Variants in PSD3 observed in about 807,000 individuals in gnomAD.
PSD3 encodes PH and SEC7 domain-containing protein 3.
PSD3 carries 49 observed loss-of-function variants against 105.5 expected under a neutral mutation model. That is an observed-to-expected ratio of 0.46 (90% CI 0.37 to 0.59). PSD3 has a LOEUF of 0.59. Among genes scored for constraint, PSD3 ranks in the 20% least tolerant of loss-of-function variants. The pLI is 0.00. For missense variants in PSD3, 1,561 were observed against 1,263.8 expected (o/e 1.24, Z -3.57); for synonymous variants, 557 against 457.8 (o/e 1.22, Z -2.77).
rs78377901 is a variant in PSD3 at position 18,890,164 on chromosome 8, T to G, written c.131-17431A>C. On this transcript the variant is annotated intron_variant, in intron 2 of 15. Transcript: ENST00000327040. Reference sequence around the variant, plus strand: ...GGATCCACGTAGGAGACAATAAGATTACTGGAGGAACTGGTAACAATAATT... The same window carrying G: ...GGATCCACGTAGGAGACAATAAGATGACTGGAGGAACTGGTAACAATAATT... Among the ~76,000 whole-genome samples, 1,310 of 152,274 alleles carry G rather than the reference T, an allele frequency of 8.6e-3. 16 individuals are homozygous for G. Among genetic ancestry groups the G allele is most frequent in the African/African-American group, 0.03 (1,260 of 41,536 alleles).
chr8:18,635,693 A>C (rs1807198133), intron 10 of PSD3, among the ~76,000 whole-genome samples: 1 of 152,192 alleles, frequency 6.6e-6, no homozygotes, highest in Non-Finnish European at 1.5e-5. Context: ...ACTATGGAAT[A>C]CTATGGAGTC....
intron 10 of PSD3, among the ~76,000 whole-genome samples, chr8:18,646,799 C>T (rs980951369): frequency 6.6e-6 from 1 of 151,774 alleles, no homozygotes; most frequent in African/African-American, 2.4e-5. Context: ...AAATGAGAAT[C>T]AATGCTGAGT....
intron 2 of PSD3, among the ~76,000 whole-genome samples, chr8:18,908,669 A>G (rs1820002416): frequency 6.6e-6 from 1 of 152,202 alleles, no homozygotes; most frequent in South Asian, 2.1e-4. Context: ...TCATCTGTTC[A>G]TGAGATTCGT....
intron 4 of PSD3, among the ~76,000 whole-genome samples, chr8:18,836,126 C>A (rs915985358): frequency 1.3e-5 from 2 of 152,104 alleles, no homozygotes; most frequent in Non-Finnish European, 1.5e-5. Context: ...GGAGACCTAG[C>A]GAAATCACCT....
intron 1 of PSD3, among the ~76,000 whole-genome samples, chr8:18,961,680 G>A (rs537150621): frequency 4.6e-5 from 7 of 152,304 alleles, no homozygotes; most frequent in Non-Finnish European, 8.8e-5. Context: ...GACAGAGCGA[G>A]ACTCTGCCTC....
intron 1 of PSD3, among the ~76,000 whole-genome samples, chr8:18,969,405 T>C (rs1824494328): frequency 6.6e-6 from 1 of 152,164 alleles, no homozygotes; most frequent in African/African-American, 2.4e-5. Context: ...TGCATAGAAA[T>C]CAACGGTACA....
intron 9 of PSD3, among the ~76,000 whole-genome samples, chr8:18,756,272 A>C (rs1806038439): frequency 2.0e-5 from 3 of 152,116 alleles, no homozygotes; most frequent in Admixed American, 6.5e-5. Flanking sequence ...ACATACTCCG[A>C]ATATAACTCA....
At chr8:18,876,442 A>G (rs376420658) in intron 2 of PSD3, among the ~76,000 whole-genome samples, 8 of 152,228 alleles carry the variant, frequency 5.3e-5, no homozygotes, top group African/African-American at 1.9e-4. Flanking sequence ...GCTGGAGTGC[A>G]GTGGGACGAT....
At chr8:18,928,683 CCTTTTTTT>C (rs1254435141) in intron 2 of PSD3, among the ~76,000 whole-genome samples, 1 of 152,058 alleles carries the variant, frequency 6.6e-6, no homozygotes, top group Non-Finnish European at 1.5e-5. Context: ...TTCCTTCCTT[CCTTTTTTT>C]CTTTTTATCT....
intron 11 of PSD3, among the ~76,000 whole-genome samples, chr8:18,615,087 T>C (rs1422673458): frequency 2.0e-5 from 3 of 152,170 alleles, no homozygotes; most frequent in Non-Finnish European, 4.4e-5. Flanking sequence ...TATGTCAATA[T>C]GTTCAATTCT....
In PSD3 at chr8:18,755,245, A is replaced by G. The variant is rs549011975; in HGVS notation, c.2172+10204T>C. Among the ~76,000 whole-genome samples, 41 of 152,152 alleles carry G rather than the reference A, an allele frequency of 2.7e-4. No homozygotes were observed. The South Asian group carries it at 8.5e-3, about 32-fold the overall frequency. ...GGAGTTCGAGACCAGCCTGGTCAAC[A>G]TGGTGAAACCCCTGTCCCTACTAAA... On this transcript the variant is annotated intron_variant, in intron 9 of 15. Coordinates refer to ENST00000327040, the MANE Select transcript of PSD3 (RefSeq NM_015310.4).
intron 9 of PSD3, among the ~76,000 whole-genome samples, chr8:18,720,612 T>G (rs1205400857): frequency 6.6e-6 from 1 of 152,162 alleles, no homozygotes; most frequent in Non-Finnish European, 1.5e-5. Context: ...AAATTGATTC[T>G]TACAGAAGTA....
chr8:18,635,212 C>T (rs1377400895), intron 10 of PSD3, among the ~76,000 whole-genome samples: 7 of 152,138 alleles, frequency 4.6e-5, no homozygotes, highest in Admixed American at 1.3e-4. Flanking sequence ...TACCACAGAA[C>T]GCCAAGCTCA....
chr8:18,611,425 T>C (rs1008655123), intron 11 of PSD3, among the ~76,000 whole-genome samples: 1 of 152,266 alleles, frequency 6.6e-6, no homozygotes, highest in Non-Finnish European at 1.5e-5. Context: ...CATAATTTTT[T>C]ATTTTTTAAG....
intron 9 of PSD3, chr8:18,683,676 C>T: frequency 1.5e-6 from 1 of 673,884 alleles, no homozygotes; most frequent in East Asian, 2.5e-5. Context: ...TCGTTACTTT[C>T]TCAGTCTATC....
intron 9 of PSD3, among the ~76,000 whole-genome samples, chr8:18,663,440 C>CA (rs111745641): frequency 0.06 from 7,568 of 125,454 alleles, 271 homozygotes; most frequent in South Asian, 0.14. Context: ...AACCAAAAAG[C>CA]AAAAAAAAAA....
intron 4 of PSD3, among the ~76,000 whole-genome samples, chr8:18,835,658 C>G (rs906472471): frequency 1.3e-5 from 2 of 152,166 alleles, no homozygotes; most frequent in African/African-American, 4.8e-5. Context: ...AAAAGGCAGG[C>G]AGGTAAGTGC....
chr8:18,681,772 T>C (rs1800402850), intron 9 of PSD3, among the ~76,000 whole-genome samples: 1 of 152,090 alleles, frequency 6.6e-6, no homozygotes, highest in African/African-American at 2.4e-5. Context: ...AGCTCTGGTG[T>C]TCAATTTTAA....
At chr8:19,006,405 T>A (rs1287775412) in intron 1 of PSD3, among the ~76,000 whole-genome samples, 1 of 152,092 alleles carries the variant, frequency 6.6e-6, no homozygotes, top group Middle Eastern at 3.4e-3. Context: ...ACTAAATAGA[T>A]GTCATTCTTT....
Sources: allele counts gnomAD v4.1 joint callset (sites outside exome capture counted in the v4.1 genomes callset), GRCh38; gene constraint gnomAD v4.1.1; transcripts MANE v1.5; gene names NCBI Gene and HGNC (gene_info 2026-07-23, HGNC 2026-07-21).